Variants in EPHA6 observed in about 807,000 individuals in gnomAD.
EPHA6 encodes the protein ephrin type-A receptor 6.
A neutral mutation model predicts 112.0 loss-of-function variants in EPHA6; 50 were observed. That is an observed-to-expected ratio of 0.45 (90% CI 0.36 to 0.56). The LOEUF is 0.56. EPHA6 is among the 20% of genes least tolerant of loss of function. The pLI is 0.00. For synonymous variants in EPHA6, 529 were observed against 490.7 expected (o/e 1.08, Z -1.03); for missense variants, 1,280 against 1,417.4 (o/e 0.90, Z 1.56).
At chr3:96,834,179 A>G (rs1385291674) in intron 1 of EPHA6, among the ~76,000 whole-genome samples, 1 of 152,010 alleles carries the variant, frequency 6.6e-6, no homozygotes. Flanking sequence ...CATATACCTC[A>G]GTTTACAGAG....
chr3:97,587,873 AT>A (rs1438336213), intron 11 of EPHA6, among the ~76,000 whole-genome samples: 1 of 152,170 alleles, frequency 6.6e-6, no homozygotes, highest in Non-Finnish European at 1.5e-5. Context: ...GCCAGGTAAA[AT>A]TAAAGCTTTG....
At chr3:97,632,041 A>G (rs1379688536) in intron 13 of EPHA6, among the ~76,000 whole-genome samples, 1 of 151,970 alleles carries the variant, frequency 6.6e-6, no homozygotes, top group Non-Finnish European at 1.5e-5. Flanking sequence ...AAAATATAAA[A>G]ATTTTGTAGT....
chr3:97,315,711 TAAAA>T (rs1181201487), intron 5 of EPHA6, among the ~76,000 whole-genome samples: 6 of 151,724 alleles, frequency 4.0e-5, no homozygotes, highest in African/African-American at 1.5e-4. Context: ...ATTCAAAACA[TAAAA>T]AAGCTTCAGT....
At chr3:97,632,392 A>G (rs2093911220) in intron 13 of EPHA6, among the ~76,000 whole-genome samples, 1 of 152,028 alleles carries the variant, frequency 6.6e-6, no homozygotes, top group African/African-American at 2.4e-5. Context: ...TGGGAGAGAA[A>G]AACACATACA....
At chr3:97,638,200 T>C (rs1312606033) in intron 14 of EPHA6, 118 bp downstream of exon 14, 2 of 704,220 alleles carry the variant, frequency 2.8e-6, no homozygotes, top group Admixed American at 6.4e-5. Flanking sequence ...CTTTGCTAAT[T>C]TGATATCATT....
rs114246675 is a variant in EPHA6, at chr3:97,200,452, G to A, written c.1115-25812G>A. ...TTGCTGTGATTGACTATATGAGATA[G>A]TGCATGCATATTTTACTGCATGCTT... On this transcript the variant is annotated intron_variant, in intron 3 of 17. Coordinates refer to ENST00000389672, the MANE Select transcript of EPHA6 (RefSeq NM_001080448.3). Among the ~76,000 whole-genome samples the A allele has an allele frequency of 7.3e-3, 1,104 of 152,130 alleles. 12 individuals carry two copies. The highest frequency in any genetic ancestry group is 0.025 in the African/African-American group (1,047 of 41,516).
At chr3:97,617,351 A>G (rs2093775493) in intron 13 of EPHA6, among the ~76,000 whole-genome samples, 2 of 152,170 alleles carry the variant, frequency 1.3e-5, no homozygotes, top group Non-Finnish European at 2.9e-5. Context: ...CAGTGACACT[A>G]TAAATTAACC....
intron 2 of EPHA6, among the ~76,000 whole-genome samples, chr3:96,914,849 A>G (rs2039406803): frequency 6.6e-6 from 1 of 152,060 alleles, no homozygotes; most frequent in African/African-American, 2.4e-5. Flanking sequence ...TTATTTTGTG[A>G]GAAAAGGAGA....
chr3:97,601,284 A>G (rs1012078696), intron 12 of EPHA6, among the ~76,000 whole-genome samples: 6 of 152,158 alleles, frequency 3.9e-5, no homozygotes, highest in Non-Finnish European at 5.9e-5. Flanking sequence ...CTGAGTCTTC[A>G]TGTAAATCAG....
At chr3:97,279,884 G>A (rs746681028) in intron 5 of EPHA6, among the ~76,000 whole-genome samples, 9 of 151,958 alleles carry the variant, frequency 5.9e-5, no homozygotes, top group South Asian at 2.1e-4. Flanking sequence ...CTTGTTGTTC[G>A]TTTGTTTTTG....
At chr3:97,644,109 A>T (rs1323281537) in intron 14 of EPHA6, among the ~76,000 whole-genome samples, 1 of 152,032 alleles carries the variant, frequency 6.6e-6, no homozygotes, top group Non-Finnish European at 1.5e-5. Flanking sequence ...CAGTGCAATC[A>T]AACTAGAGCT....
At chr3:97,054,937 T>G (rs2108099006) in intron 3 of EPHA6, among the ~76,000 whole-genome samples, 1 of 152,222 alleles carries the variant, frequency 6.6e-6, no homozygotes, top group Middle Eastern at 3.4e-3. Flanking sequence ...ATTTAAAATT[T>G]TTGTTACTTT....
In EPHA6 at chr3:97,201,946, G is replaced by A. The variant is rs141044779; in HGVS notation, c.1115-24318G>A. ...AGCTCATAATTTTTGATTGCTCATC[G>A]TTGGCAAAGTACTCTAACTAGGCAC... On this transcript the variant is annotated intron_variant, in intron 3 of 17. Transcript: ENST00000389672. Among the ~76,000 whole-genome samples, 499 of 152,142 alleles carry A rather than the reference G, an allele frequency of 3.3e-3. 1 individual carries two copies. The highest frequency in any genetic ancestry group is 0.011 in the African/African-American group (458 of 41,520).
chr3:97,085,793 T>G (rs1257448038), intron 3 of EPHA6, among the ~76,000 whole-genome samples: 4 of 152,052 alleles, frequency 2.6e-5, no homozygotes, highest in Non-Finnish European at 5.9e-5. Flanking sequence ...TTTTACTTCT[T>G]AAACTACTTT....
intron 2 of EPHA6, among the ~76,000 whole-genome samples, chr3:96,940,135 C>G (rs905983472): frequency 6.6e-6 from 1 of 152,110 alleles, no homozygotes. Context: ...TGGTGCAGAG[C>G]TGAGTTCAAT....
At chr3:97,620,805 A>C (rs2317211) in intron 13 of EPHA6, among the ~76,000 whole-genome samples, 28,211 of 151,974 alleles carry the variant, frequency 0.19, 3,171 homozygotes, top group African/African-American at 0.28. Flanking sequence ...ATGGCTATAC[A>C]CTGTTGGTGG....
rs57541953 is a variant in EPHA6, at chr3:97,596,777, C to CATATATATAT, written c.2512+4063_2512+4072dup. Among the ~76,000 whole-genome samples the CATATATATAT allele has an allele frequency of 3.4e-3, 360 of 106,166 alleles. 2 individuals carry two copies. The highest frequency in any genetic ancestry group is 0.011 in the East Asian group (41 of 3,568). 69.6% of individuals were successfully genotyped at this position (106,166 alleles called of 152,430 possible). On this transcript the variant is annotated intron_variant, in intron 12 of 17. Coordinates refer to ENST00000389672, the MANE Select transcript of EPHA6 (RefSeq NM_001080448.3). ...TTTTACTAATGAAGTAACTCATATACATATATATATATATATATATATATA... is the reference window on the plus strand; with the variant it reads ...TTTTACTAATGAAGTAACTCATATACATATATATATATATATATATATATATATATATATA...
chr3:97,541,701 C>A (rs796798925), intron 11 of EPHA6, among the ~76,000 whole-genome samples: 1 of 146,772 alleles, frequency 6.8e-6, no homozygotes, highest in African/African-American at 2.5e-5. Context: ...TCCCTCAGTT[C>A]GGGTGTGTCT....
chr3:97,700,789 T>C (rs537565558), intron 14 of EPHA6, among the ~76,000 whole-genome samples: 4 of 152,358 alleles, frequency 2.6e-5, no homozygotes, highest in African/African-American at 9.6e-5. Context: ...CTGCATATTA[T>C]AATCTAATCA....
Sources: gnomAD v4.1 joint callset for allele counts (sites outside exome capture counted in the v4.1 genomes callset) on GRCh38, gnomAD v4.1.1 for gene constraint, MANE v1.5 for transcripts, NCBI Gene and HGNC (gene_info 2026-07-23, HGNC 2026-07-21) for gene names.